Variants in PLEKHG5 observed in about 807,000 individuals in gnomAD.
The protein encoded by PLEKHG5 is pleckstrin homology domain-containing family G member 5.
A neutral mutation model predicts 103.8 loss-of-function variants in PLEKHG5; 52 were observed. The ratio of observed to expected loss-of-function variants is 0.50; its 90% CI spans 0.40 to 0.63. PLEKHG5 has a LOEUF of 0.63. PLEKHG5 is among the 30% of genes least tolerant of loss of function. The pLI, the probability that PLEKHG5 is intolerant of heterozygous loss-of-function variation, is 0.00. For synonymous variants in PLEKHG5, 592 were observed against 575.5 expected (o/e 1.03, Z -0.41); for missense variants, 1,205 against 1,347.6 (o/e 0.89, Z 1.66).
chr1:6,519,704 C>T, exon 1 of PLEKHG5: 4 of 632,156 alleles, frequency 6.3e-6, no homozygotes, highest in South Asian at 5.5e-5. Flanking sequence ...AACCAAGGCG[C>T]TCTCAGCCCT....
rs1363560336 is a variant in PLEKHG5 at position 6,467,190 on chromosome 1, C to A, written c.*373G>T. 1 of 454,182 alleles carries A rather than the reference C, an allele frequency of 2.2e-6. No homozygotes were observed. Among genetic ancestry groups the A allele is most frequent in the African/African-American group, 2.0e-5 (1 of 50,566 alleles). The allele number at this position is 454,182 out of a possible 1,614,324, so 28.1% of individuals were successfully genotyped here. On this transcript the variant is annotated 3_prime_UTR_variant, in exon 21 of 21. Coordinates refer to ENST00000377728, the MANE Select transcript of PLEKHG5 (RefSeq NM_020631.6). ...AATACGTAACTTCACAGAACCCAGC[C>A]CAAGCCAGGGGTGGCCTGTGGGACT...
At position 6,490,831 on chromosome 1, in the gene PLEKHG5, T is replaced by A. The variant is rs1315599421; in HGVS notation, c.-88+806A>T. On this transcript the variant is annotated intron_variant, in intron 1 of 20. Transcript: ENST00000377728. This position sits in a 1 kb window ranked among gnomAD's most constrained non-coding sequence, Gnocchi z 8.0. ...CAGCCCTTTGCAGATCTCCAAAAAG[T>A]TCAAAGTCCCTGGTCATTAACTTGG... Among the ~76,000 whole-genome samples the A allele has an allele frequency of 6.6e-6, 1 of 152,000 alleles. No homozygotes were observed. Among genetic ancestry groups the A allele is most frequent in the Non-Finnish European group, 1.5e-5 (1 of 67,970 alleles).
chr1:6,473,980 A>ACCCCCCCC, intron 7 of PLEKHG5, 33 bp downstream of exon 7: 1 of 515,888 alleles, frequency 1.9e-6, no homozygotes, highest in South Asian at 2.5e-5. Context: ...GCCCCTTCCC[A>ACCCCCCCC]CCCCCTCCCC....
At chr1:6,497,922 A>G (rs964458520), upstream of PLEKHG5, among the ~76,000 whole-genome samples, 18 of 152,068 alleles carry the variant, frequency 1.2e-4, no homozygotes, top group African/African-American at 4.1e-4. The surrounding 1 kb of genome is among the most constrained non-coding windows in gnomAD (Gnocchi z 6.1). Context: ...TTTTCAGGAA[A>G]CTTTCACAAA....
At chr1:6,509,642 C>A (rs78825756) in intron 1 of PLEKHG5, among the ~76,000 whole-genome samples, 4,389 of 152,316 alleles carry the variant, frequency 0.029, 228 homozygotes, top group African/African-American at 0.1. Flanking sequence ...TCCCCTCAAC[C>A]ACCCTGGATG....
chr1:6,501,487 A>C (rs534209542), upstream of PLEKHG5, among the ~76,000 whole-genome samples: 21 of 152,218 alleles, frequency 1.4e-4, no homozygotes, highest in African/African-American at 4.8e-4. This position sits in a 1 kb window ranked among gnomAD's most constrained non-coding sequence, Gnocchi z 4.3. Context: ...TGTCTTCCCC[A>C]TCAGACGGCT....
chr1:6,485,606 C>T (rs1440142079), intron 1 of PLEKHG5: 4 of 615,194 alleles, frequency 6.5e-6, no homozygotes, highest in African/African-American at 1.9e-5. Context: ...ACACCTCCCT[C>T]CCGCCCGGGC....
rs1645300975 is a variant in PLEKHG5, at chr1:6,501,950, C to T, written c.-164-5381G>A. Among the ~76,000 whole-genome samples, 1 of 152,246 alleles carries T rather than the reference C, an allele frequency of 6.6e-6. No individual in the cohort carries two copies. The highest frequency in any genetic ancestry group is 2.4e-5 in the African/African-American group (1 of 41,466). ...CTTCTGTCTCAAGAAAACAGGCCCT[C>T]CCTGCCCACGACCTCCCAACCACAG... On this transcript the variant is annotated intron_variant, in intron 1 of 21. Transcript: ENST00000377740. This position sits in a 1 kb window ranked among gnomAD's most constrained non-coding sequence, Gnocchi z 4.3.
chr1:6,470,361 G>C lies in PLEKHG5; in HGVS notation c.1681-6C>G, dbSNP rs1297902236. On this transcript the variant is annotated splice_polypyrimidine_tract_variant and splice_region_variant and intron_variant, in intron 15 of 20. Coordinates refer to ENST00000377728, the MANE Select transcript of PLEKHG5 (RefSeq NM_020631.6). ...TGCAGAAATTCCTTCAGGAGCTGGG[G>C]ACGGATGGCGTGAACGTAGGGGAGG... is the stretch of plus-strand genomic sequence containing the variant. 1.2e-6 allele frequency: 2 copies of C among 1,613,992 alleles called. No homozygotes were observed. The highest frequency in any genetic ancestry group is 2.2e-5 in the East Asian group (1 of 44,866).
Position 6,505,045 on chromosome 1 carries a change from T to C in PLEKHG5, c.-164-8476A>G, listed in dbSNP as rs559509809. Among the ~76,000 whole-genome samples, 1 of 152,280 alleles carries C rather than the reference T, an allele frequency of 6.6e-6. No homozygotes were observed. The highest frequency in any genetic ancestry group is 2.1e-4 in the South Asian group (1 of 4,826). ...AGGACAGGCTCCTGCTCCCTGGGCT[T>C]GTGGCCTGGGGGAGGCCAGCTCCTG... On this transcript the variant is annotated intron_variant, in intron 1 of 21. Coordinates refer to the PLEKHG5 transcript ENST00000377740. The surrounding 1 kb of genome is among the most constrained non-coding windows in gnomAD (Gnocchi z 4.2).
chr1:6,501,642 C>T (rs1054642359), upstream of PLEKHG5, among the ~76,000 whole-genome samples: 6 of 151,492 alleles, frequency 4.0e-5, no homozygotes, highest in Admixed American at 1.3e-4. The surrounding 1 kb of genome is among the most constrained non-coding windows in gnomAD (Gnocchi z 4.3). Flanking sequence ...GAAACTGAGG[C>T]GTGGAGGGTA....
At chr1:6,484,764 G>C (rs940986945) in intron 1 of PLEKHG5, among the ~76,000 whole-genome samples, 1 of 152,154 alleles carries the variant, frequency 6.6e-6, no homozygotes, top group Non-Finnish European at 1.5e-5. Context: ...AGGGTCCGGG[G>C]GGGAATGTTC....
rs1008938816 is a variant in PLEKHG5, at chr1:6,491,303, C to T, written c.-88+334G>A. On this transcript the variant is annotated intron_variant, in intron 1 of 20. Coordinates refer to ENST00000377728, the MANE Select transcript of PLEKHG5 (RefSeq NM_020631.6). This position sits in a 1 kb window ranked among gnomAD's most constrained non-coding sequence, Gnocchi z 4.1. ...ACTTTCAAGCTTTTTATACAGCCTT[C>T]CCCCGACCCCTTCCCAGGCCAAAAC... Among the ~76,000 whole-genome samples the T allele has an allele frequency of 7.2e-5, 11 of 152,110 alleles. No individual in the cohort carries two copies. The highest frequency in any genetic ancestry group is 2.7e-4 in the African/African-American group (11 of 41,414).
intron 2 of PLEKHG5, 34 bp from the exon 3 acceptor site, chr1:6,476,070 C>T: frequency 1.3e-6 from 2 of 1,572,138 alleles, no homozygotes; most frequent in East Asian, 2.2e-5. Flanking sequence ...TGTGCCTCCC[C>T]CGCCCCTCCT....
At chr1:6,469,510 C>A in intron 17 of PLEKHG5, 34 bp downstream of exon 17, 1 of 1,613,870 alleles carries the variant, frequency 6.2e-7, no homozygotes, top group Non-Finnish European at 8.5e-7. Flanking sequence ...CCATCACAGC[C>A]CCTGACCAGG....
chr1:6,491,796 C>A, upstream of PLEKHG5: 1 of 496,090 alleles, frequency 2.0e-6, no homozygotes, highest in Non-Finnish European at 2.6e-6. The surrounding 1 kb of genome is among the most constrained non-coding windows in gnomAD (Gnocchi z 4.1). Flanking sequence ...TCCTCCCATC[C>A]AACCTCCACT....
In PLEKHG5 at chr1:6,477,544, C is replaced by A. The variant is rs750665205; in HGVS notation, c.28G>T (p.Asp10Tyr). MHYDGHVRF[D>Y]LPPQGSVLAR... ...CTGTGCTCACCTTGTGGGGGAAGGTCGAAGCGGACATGCCCATCATAATGC... is the reference window on the plus strand; with the variant it reads ...CTGTGCTCACCTTGTGGGGGAAGGTAGAAGCGGACATGCCCATCATAATGC... The change falls in exon 2 of 21, where the codon GAC (aspartate) becomes TAC (tyrosine). Residue 10 changes from aspartate (D) to tyrosine (Y), a missense_variant. Transcript: ENST00000377728. 6.2e-7 allele frequency: 1 copy of A among 1,612,224 alleles called. No individual in the cohort carries two copies. The highest frequency in any genetic ancestry group is 8.5e-7 in the Non-Finnish European group (1 of 1,179,980).
In PLEKHG5 at chr1:6,505,480, T is replaced by C. The variant is rs1471754266; in HGVS notation, c.-164-8911A>G. Among the ~76,000 whole-genome samples the C allele has an allele frequency of 1.3e-5, 2 of 151,928 alleles. No homozygotes were observed. Among genetic ancestry groups the C allele is most frequent in the Non-Finnish European group, 2.9e-5 (2 of 67,970 alleles). On this transcript the variant is annotated intron_variant, in intron 1 of 21. Transcript: ENST00000377740. The surrounding 1 kb of genome is among the most constrained non-coding windows in gnomAD (Gnocchi z 4.2). The stretch of plus-strand genomic sequence containing the variant: ...TTCCCATTCACAGCTCCCCAACCTC[T>C]CACCCCCAGGAGCAGTCCAACGTCC...
At chr1:6,499,942 G>A (rs958777418), upstream of PLEKHG5, among the ~76,000 whole-genome samples, 2 of 152,094 alleles carry the variant, frequency 1.3e-5, no homozygotes, top group South Asian at 2.1e-4. Flanking sequence ...TGGGACCACC[G>A]GTGCACACCA....
Sources: gnomAD v4.1 joint callset for allele counts (sites outside exome capture counted in the v4.1 genomes callset) on GRCh38, gnomAD v4.1.1 for gene constraint, Gnocchi (gnomAD v3.1) non-coding constraint, MANE v1.5 for transcripts, NCBI Gene and HGNC (gene_info 2026-07-23, HGNC 2026-07-21) for gene names.